The following PRKCA variants were observed in gnomAD, a reference collection of about 807,000 sequenced individuals.
PRKCA encodes the protein protein kinase C alpha.
Under a neutral mutation model 87.0 loss-of-function variants are expected in PRKCA, and 27 were observed. The observed-to-expected ratio is 0.31, with a 90% confidence interval of 0.23 to 0.43. The LOEUF (loss-of-function observed/expected upper bound fraction) is 0.43, where lower values mean the gene tolerates loss of function less well. Ranked by LOEUF, PRKCA falls within the 20% of genes least tolerant of loss-of-function variation. The pLI, the probability that PRKCA is intolerant of heterozygous loss-of-function variation, is 1.00. For missense variants in PRKCA, 518 were observed against 852.3 expected (o/e 0.61, Z 4.88); for synonymous variants, 329 against 311.1 (o/e 1.06, Z -0.61).
At chr17:66,615,537 A>T (rs1970491466) in intron 3 of PRKCA, among the ~76,000 whole-genome samples, 1 of 152,080 alleles carries the variant, frequency 6.6e-6, no homozygotes, top group Non-Finnish European at 1.5e-5. Context: ...TAGGCAGAGA[A>T]CTGTCTATCC....
At chr17:66,620,929 A>G (rs779129103) in intron 3 of PRKCA, among the ~76,000 whole-genome samples, 3 of 152,358 alleles carry the variant, frequency 2.0e-5, no homozygotes, top group South Asian at 4.1e-4. Context: ...CTGAAGTTCC[A>G]TGATGAAGTT....
chr17:66,537,330 C>A (rs952076490), intron 3 of PRKCA, among the ~76,000 whole-genome samples: 1 of 152,126 alleles, frequency 6.6e-6, no homozygotes, highest in Non-Finnish European at 1.5e-5. Flanking sequence ...TGAGAAAGTA[C>A]AAAATTTTGA....
chr17:66,558,465 A>T (rs1860983), intron 3 of PRKCA, among the ~76,000 whole-genome samples: 91,010 of 151,932 alleles, frequency 0.6, 28,551 homozygotes, highest in African/African-American at 0.8. Context: ...GAGGGGAGCA[A>T]GCCAGGGAGA....
intron 3 of PRKCA, among the ~76,000 whole-genome samples, chr17:66,512,795 C>G (rs2144180589): frequency 6.6e-6 from 1 of 152,196 alleles, no homozygotes; most frequent in African/African-American, 2.4e-5. Context: ...CAGGTTCGAG[C>G]AATTCTCCTG....
At chr17:66,496,631 T>G in intron 3 of PRKCA, among the ~76,000 whole-genome samples, 1 of 145,302 alleles carries the variant, frequency 6.9e-6, no homozygotes, top group Non-Finnish European at 1.5e-5. Context: ...TTCCGTTCCC[T>G]CCCCTCCCCT....
chr17:66,377,049 G>T (rs1488424808), intron 2 of PRKCA, among the ~76,000 whole-genome samples: 3 of 151,250 alleles, frequency 2.0e-5, no homozygotes, highest in African/African-American at 4.9e-5. Flanking sequence ...ATTTGAGATG[G>T]AGTTTCACTC....
At chr17:66,393,118 C>T (rs1002417142) in intron 2 of PRKCA, among the ~76,000 whole-genome samples, 2 of 152,108 alleles carry the variant, frequency 1.3e-5, no homozygotes, top group African/African-American at 4.8e-5. Flanking sequence ...CAGTGGGTTT[C>T]AGAGCACAGG....
chr17:66,540,019 C>T (rs954126201), intron 3 of PRKCA, among the ~76,000 whole-genome samples: 3 of 152,156 alleles, frequency 2.0e-5, no homozygotes, highest in African/African-American at 4.8e-5. Context: ...GTAGGCCACC[C>T]GTCTTTTGGA....
chr17:66,452,314 G>A (rs934763918), intron 2 of PRKCA, among the ~76,000 whole-genome samples: 3 of 152,222 alleles, frequency 2.0e-5, no homozygotes, highest in South Asian at 2.1e-4. Context: ...GGAATGGAGA[G>A]CCCCAGAATC....
intron 13 of PRKCA, among the ~76,000 whole-genome samples, chr17:66,749,285 C>T (rs9906246): frequency 9.2e-5 from 14 of 151,698 alleles, no homozygotes; most frequent in African/African-American, 2.9e-4. Flanking sequence ...ACCTCCTCCC[C>T]CTGCCCTCCA....
intron 7 of PRKCA, 33 bp from the exon 8 acceptor site, chr17:66,688,918 C>T (rs1445672885): frequency 1.7e-5 from 24 of 1,381,780 alleles, no homozygotes; most frequent in Middle Eastern, 1.8e-4. Context: ...GTTAAACTTG[C>T]GGTGGTAACT....
rs192148232 is a variant in PRKCA at position 66,642,975 on chromosome 17, G to A, written c.400+1509G>A. Among the ~76,000 whole-genome samples the A allele has an allele frequency of 1.4e-4, 21 of 152,224 alleles. 2 individuals are homozygous for A. The East Asian group carries it at 3.9e-3, about 28-fold the overall frequency. The stretch of plus-strand genomic sequence containing the variant: ...GAATTGCTTGAACCCAGGAGGCGGC[G>A]GTTGCTGTGAGCCAAGATTGTGCCA... On this transcript the variant is annotated intron_variant, in intron 4 of 16. Transcript: ENST00000413366.
At chr17:66,796,650 C>T in intron 16 of PRKCA, 1 of 985,354 alleles carries the variant, frequency 1.0e-6, no homozygotes, top group Non-Finnish European at 1.2e-6. Context: ...TGGCCAGACC[C>T]CTTTGCTGGA....
intron 6 of PRKCA, among the ~76,000 whole-genome samples, chr17:66,687,960 A>T (rs1309021443): frequency 6.6e-6 from 1 of 152,236 alleles, no homozygotes; most frequent in Non-Finnish European, 1.5e-5. Flanking sequence ...AAAGGATCAG[A>T]TAGTATATAT....
intron 2 of PRKCA, among the ~76,000 whole-genome samples, chr17:66,374,892 C>A (rs1353878461): frequency 6.6e-6 from 1 of 151,620 alleles, no homozygotes. Context: ...CATGCCTGGC[C>A]AATTTTTTAT....
intron 3 of PRKCA, among the ~76,000 whole-genome samples, chr17:66,612,335 C>G (rs1970392143): frequency 7.0e-6 from 1 of 143,102 alleles, no homozygotes; most frequent in African/African-American, 2.6e-5. Context: ...GAGCCAAGAC[C>G]ACACCATTGC....
chr17:66,417,956 C>T (rs1416975193), intron 2 of PRKCA, among the ~76,000 whole-genome samples: 1 of 152,152 alleles, frequency 6.6e-6, no homozygotes, highest in Non-Finnish European at 1.5e-5. Context: ...CACAAATCTG[C>T]ACAGCAATGT....
chr17:66,626,926 A>C (rs1970874244), intron 3 of PRKCA, among the ~76,000 whole-genome samples: 2 of 152,244 alleles, frequency 1.3e-5, no homozygotes, highest in Admixed American at 1.3e-4. Context: ...TCTCACTAGA[A>C]GTATCCACAG....
At chr17:66,385,025 G>A (rs139568218) in intron 2 of PRKCA, among the ~76,000 whole-genome samples, 65 of 152,268 alleles carry the variant, frequency 4.3e-4, no homozygotes, top group Middle Eastern at 6.8e-3. Context: ...CTGATTTCTT[G>A]TGCAGTATTA....
Sources: allele counts gnomAD v4.1 joint callset (sites outside exome capture counted in the v4.1 genomes callset), GRCh38; gene constraint gnomAD v4.1.1; transcripts MANE v1.5; gene names NCBI Gene and HGNC (gene_info 2026-07-23, HGNC 2026-07-21).